The following ABCB9 variants were observed in gnomAD, a reference collection of about 807,000 sequenced individuals.
The protein encoded by ABCB9 is ATP binding cassette subfamily B member 9.
In ABCB9, 36 loss-of-function variants were observed where a neutral mutation model predicts 62.0. That is an observed-to-expected ratio of 0.58 (90% CI 0.45 to 0.77). The LOEUF (loss-of-function observed/expected upper bound fraction) is 0.77, where lower values mean the gene tolerates loss of function less well. Ranked by LOEUF, ABCB9 falls within the 30% of genes least tolerant of loss-of-function variation. The pLI is 0.00. For synonymous variants in ABCB9, 435 were observed against 461.4 expected (o/e 0.94, Z 0.73); for missense variants, 943 against 1,054.7 (o/e 0.89, Z 1.47).
downstream of ABCB9, among the ~76,000 whole-genome samples, chr12:122,927,792 C>G (rs1440997828): frequency 1.3e-5 from 2 of 152,104 alleles, no homozygotes; most frequent in African/African-American, 4.8e-5. Flanking sequence ...CTGGAGACCA[C>G]CTCTACACAT....
chr12:122,950,576 C>T lies in ABCB9; in HGVS notation c.602-11G>A, dbSNP rs1320108542. The T allele has an allele frequency of 6.2e-7, 1 of 1,607,874 alleles. No individual in the cohort carries two copies. Among genetic ancestry groups the T allele is most frequent in the Non-Finnish European group, 8.5e-7 (1 of 1,178,104 alleles). On this transcript the variant is annotated splice_polypyrimidine_tract_variant and intron_variant, in intron 2 of 11. Coordinates refer to ENST00000280560, the MANE Select transcript of ABCB9 (RefSeq NM_019625.4). ...GCAGGAAGGTCTCTCCTGGGGGAGG[C>T]AGGGCAGCCTCAGGGACGTCTGCAG...
In ABCB9 at chr12:122,944,340, T is replaced by TC; in HGVS notation, c.1380+50dup. ...GCCCCCACCCTGTTAAGATCCCTCT[T>TC]CCCCAAACTCCTCCCTTCTCTCTGG... On this transcript the variant is annotated intron_variant, in intron 7 of 11. Transcript: ENST00000280560. The surrounding 1 kb of genome is among the most constrained non-coding windows in gnomAD (Gnocchi z 4.9). 6.5e-7 allele frequency: 1 copy of TC among 1,550,260 alleles called. No individual in the cohort carries two copies. Among genetic ancestry groups the TC allele is most frequent in the Non-Finnish European group, 8.8e-7 (1 of 1,136,726 alleles).
Position 122,944,535 on chromosome 12 carries a change from A to G in ABCB9, c.1252-16T>C. ...GCAGTGTGAGCTGGGGCAGAGGGAG[A>G]GGGGATGTGGGTCGAGGGGACCTTA... On this transcript the variant is annotated splice_polypyrimidine_tract_variant and intron_variant, in intron 6 of 11. Transcript: ENST00000280560. The surrounding 1 kb of genome is among the most constrained non-coding windows in gnomAD (Gnocchi z 4.9). 6.2e-7 allele frequency: 1 copy of G among 1,613,034 alleles called. No individual in the cohort carries two copies. The highest frequency in any genetic ancestry group is 8.5e-7 in the Non-Finnish European group (1 of 1,179,528).
In ABCB9 at chr12:122,930,188, G is replaced by T; in HGVS notation, c.2041-17C>A. The T allele has an allele frequency of 6.5e-7, 1 of 1,532,988 alleles. No individual in the cohort carries two copies. The allele number at this position is 1,532,988 out of a possible 1,614,324, so 95.0% of individuals were successfully genotyped here. On this transcript the variant is annotated splice_polypyrimidine_tract_variant and intron_variant, in intron 11 of 11. Coordinates refer to ENST00000280560, the MANE Select transcript of ABCB9 (RefSeq NM_019625.4). The surrounding 1 kb of genome is among the most constrained non-coding windows in gnomAD (Gnocchi z 4.9). ...CTGCTGGATCTGCGGGGACAGTGGG[G>T]GCCTGGCTTGCATGGCACGGACGCC...
intron 2 of ABCB9, among the ~76,000 whole-genome samples, chr12:122,958,110 C>T (rs1241283329): frequency 4.7e-5 from 6 of 127,568 alleles, no homozygotes; most frequent in Non-Finnish European, 6.2e-5. Context: ...ATGGAGGTTG[C>T]GGTGAGCCAA....
chr12:122,928,613 T>C (rs953998820), downstream of ABCB9, among the ~76,000 whole-genome samples: 1 of 152,090 alleles, frequency 6.6e-6, no homozygotes, highest in Non-Finnish European at 1.5e-5. Flanking sequence ...TCCCTGCTGA[T>C]TGAGCTGTCC....
chr12:122,959,502 T>C lies in ABCB9; in HGVS notation c.601+133A>G, dbSNP rs991107606. The C allele has an allele frequency of 9.8e-6, 14 of 1,422,622 alleles. No homozygotes were observed. The African/African-American group carries it at 1.6e-4, about 16-fold the overall frequency. The allele number at this position is 1,422,622 out of a possible 1,614,324, so 88.1% of individuals were successfully genotyped here. A position where few individuals can be genotyped will look rare whatever the true frequency, so the allele number is the denominator to read the frequency against. On this transcript the variant is annotated intron_variant, in intron 2 of 11. Transcript: ENST00000280560. This position sits in a 1 kb window ranked among gnomAD's most constrained non-coding sequence, Gnocchi z 5.4. ...CTGGGATTATAGATATGAGCCACTATGCCTGGCCTCTTTTCCTTTTCATAT... is the reference window on the plus strand; with the variant it reads ...CTGGGATTATAGATATGAGCCACTACGCCTGGCCTCTTTTCCTTTTCATAT...
intron 2 of ABCB9, among the ~76,000 whole-genome samples, chr12:122,953,769 G>T (rs570413671): frequency 2.0e-5 from 3 of 152,080 alleles, no homozygotes; most frequent in Middle Eastern, 3.4e-3. Context: ...TGATCTGCCC[G>T]CCTCGGCCTT....
At chr12:122,925,607 G>A (rs1449337518), downstream of ABCB9, among the ~76,000 whole-genome samples, 1 of 152,170 alleles carries the variant, frequency 6.6e-6, no homozygotes, top group Non-Finnish European at 1.5e-5. Context: ...AATTACCTGG[G>A]TGTGGCGGTG....
chr12:122,950,459 G>T lies in ABCB9; in HGVS notation c.708C>A (p.Ala236=). 6.2e-7 allele frequency: 1 copy of T among 1,611,088 alleles called. No homozygotes were observed. Among genetic ancestry groups the T allele is most frequent in the Non-Finnish European group, 8.5e-7 (1 of 1,179,546 alleles). The change falls in exon 3 of 12, where the codon GCC becomes GCA. Residue 236 remains alanine (A), a synonymous_variant. Coordinates refer to ENST00000280560, the MANE Select transcript of ABCB9 (RefSeq NM_019625.4). ...GGGGTTGAGCCAGCTACCTGCCAAT[G>T]GCCAGCAGGCACACGATGACGACAG... ...STAVVIVCLL[A]IGSSFAAGIR...
intron 1 of ABCB9, 131 bp from the exon 2 acceptor site, chr12:122,960,453 C>G: frequency 1.6e-6 from 1 of 635,092 alleles, no homozygotes; most frequent in East Asian, 2.8e-5. Context: ...ATATCAACTT[C>G]CCGGGTACTA....
chr12:122,935,175 A>G, intron 10 of ABCB9, 97 bp downstream of exon 10: 1 of 1,384,108 alleles, frequency 7.2e-7, no homozygotes, highest in Middle Eastern at 2.6e-4. Flanking sequence ...TCTACAAAAA[A>G]AAGAGCAGGT....
At chr12:122,971,605 C>A (rs2037271689) in intron 1 of ABCB9, among the ~76,000 whole-genome samples, 1 of 151,962 alleles carries the variant, frequency 6.6e-6, no homozygotes, top group African/African-American at 2.4e-5. Context: ...AGGTGTGCCA[C>A]CACAACCAGC....
At position 122,959,885 on chromosome 12, in the gene ABCB9, C is replaced by T. The variant is rs1275486007; in HGVS notation, c.351G>A (p.Trp117Ter). Residue 117 changes from tryptophan to a stop codon, truncating the protein, a stop_gained, in exon 2 of 12, where the codon TGG (tryptophan) becomes TGA (stop). Coordinates refer to ENST00000280560, the MANE Select transcript of ABCB9 (RefSeq NM_019625.4). LOFTEE classifies it high-confidence loss of function. This position sits in a 1 kb window ranked among gnomAD's most constrained non-coding sequence, Gnocchi z 5.4. ...AAATGTACGTCCACACGAACAGGGC[C>T]CAAAACCAGGGGTCCCGGATGGGCC... ...VRRPIRDPWF[W>*]ALFVWTYISL... 10 of 1,613,418 alleles carry T rather than the reference C, an allele frequency of 6.2e-6. No homozygotes were observed. The highest frequency in any genetic ancestry group is 8.5e-6 in the Non-Finnish European group (10 of 1,179,900).
chr12:122,928,034 G>T (rs1290700251), downstream of ABCB9, among the ~76,000 whole-genome samples: 1 of 152,122 alleles, frequency 6.6e-6, no homozygotes, highest in East Asian at 1.9e-4. Context: ...GCCCCCAAAA[G>T]CTTCCCTTGT....
rs186873985 is a variant in ABCB9 at position 122,936,595 on chromosome 12, G to A, written c.1744-1164C>T. 3.0e-3 allele frequency among the ~76,000 whole-genome samples: 452 copies of A among 151,428 alleles called. 2 individuals carry two copies. The highest frequency in any genetic ancestry group is 0.01 in the African/African-American group (430 of 41,242). ...AGCCTGAGCAACACAGTGAGAACCC[G>A]TCTCTACAAAATAATTAAAAATTGG... On this transcript the variant is annotated intron_variant, in intron 9 of 11. Transcript: ENST00000280560.
chr12:122,974,126 G>A (rs28542899), intron 1 of ABCB9, among the ~76,000 whole-genome samples: 1 of 152,236 alleles, frequency 6.6e-6, no homozygotes, highest in African/African-American at 2.4e-5. Context: ...AGGGTGGGGT[G>A]GGGTGCTGCA....
upstream of ABCB9, among the ~76,000 whole-genome samples, chr12:122,969,660 C>G (rs1256967589): frequency 3.3e-5 from 5 of 151,252 alleles, no homozygotes; most frequent in Non-Finnish European, 7.4e-5. Flanking sequence ...TTGCTTGAAC[C>G]TGGGATGTTG....
At chr12:122,938,180 A>C (rs1456522759) in intron 9 of ABCB9, among the ~76,000 whole-genome samples, 1 of 152,178 alleles carries the variant, frequency 6.6e-6, no homozygotes, top group Admixed American at 6.5e-5. Context: ...ACATAGACAA[A>C]ATTGTCCACA....
Sources: gnomAD v4.1 joint callset for allele counts (sites outside exome capture counted in the v4.1 genomes callset) on GRCh38, gnomAD v4.1.1 for gene constraint, Gnocchi (gnomAD v3.1) non-coding constraint, MANE v1.5 for transcripts, NCBI Gene and HGNC (gene_info 2026-07-23, HGNC 2026-07-21) for gene names.